The following TNRC6C variants were observed in gnomAD, a reference collection of about 807,000 sequenced individuals.
The protein encoded by TNRC6C is trinucleotide repeat-containing gene 6C protein.
In TNRC6C, 20 loss-of-function variants were observed where a neutral mutation model predicts 153.7. The observed-to-expected ratio is 0.13, with a 90% CI of 0.09 to 0.19. TNRC6C has a LOEUF of 0.19. Ranked by LOEUF, TNRC6C falls within the 10% of genes least tolerant of loss-of-function variation. The pLI, the probability that TNRC6C is intolerant of heterozygous loss-of-function variation, is 1.00. For synonymous variants in TNRC6C, 811 were observed against 841.4 expected, an observed-to-expected ratio of 0.96 and a Z score of 0.63; for missense variants, 1,987 against 2,172.0, an observed-to-expected ratio of 0.91 and a Z score of 1.69.
chr17:78,031,509 AT>A lies in TNRC6C; in HGVS notation c.-545-3del. The A allele has an allele frequency of 8.1e-7, 1 of 1,232,090 alleles. No homozygotes were observed. Among genetic ancestry groups the A allele is most frequent in the Non-Finnish European group, 1.0e-6 (1 of 987,970 alleles). 76.3% of individuals were successfully genotyped at this position (1,232,090 alleles called of 1,614,324 possible). A position where few individuals can be genotyped will look rare whatever the true frequency, so the allele number is the denominator to read the frequency against. ...TTTTGGGTTCTTTTGCCTTTCATTC[AT>A]TTTAGTGCCAGAACCTACTAAGACC... On this transcript the variant is annotated splice_polypyrimidine_tract_variant and splice_region_variant and intron_variant, in intron 1 of 19. Transcript: ENST00000301624.
At chr17:77,974,493 A>C (rs528675300) in intron 1 of TNRC6C, among the ~76,000 whole-genome samples, 4 of 147,278 alleles carry the variant, frequency 2.7e-5, no homozygotes, top group African/African-American at 9.8e-5. Flanking sequence ...CCCCGCCCCA[A>C]AAAAAAAGTA....
chr17:78,014,641 A>G (rs2071695156), intron 1 of TNRC6C, among the ~76,000 whole-genome samples: 1 of 149,424 alleles, frequency 6.7e-6, no homozygotes, highest in African/African-American at 2.5e-5. Context: ...TATGTGATGT[A>G]TTGAGAGTGG....
chr17:78,079,402 G>C lies in TNRC6C; in HGVS notation c.3218G>C (p.Ser1073Thr). The C allele has an allele frequency of 6.2e-7, 1 of 1,613,900 alleles. No homozygotes were observed. Among genetic ancestry groups the C allele is most frequent in the Non-Finnish European group, 8.5e-7 (1 of 1,179,848 alleles). ...AATTCTGTCCCTGTGCAGATACCGA[G>C]TGGCAATCTGGGTATGTTTGGCAAT... Residue 1073 changes from serine (S) to threonine (T), a missense_variant, in exon 10 of 20, where the codon AGT (serine) becomes ACT (threonine). Ser to Thr is a moderately conservative substitution (Grantham distance 58, BLOSUM62 1). Around this residue, in one of 4 missense-constraint regions of TNRC6C, gnomAD observed 765 missense variants for 908.6 expected, o/e 0.84. Transcript: ENST00000301624. This position sits in a 1 kb window ranked among gnomAD's most constrained non-coding sequence, Gnocchi z 4.3.
At chr17:77,980,479 C>T (rs926288799) in intron 1 of TNRC6C, among the ~76,000 whole-genome samples, 3 of 152,150 alleles carry the variant, frequency 2.0e-5, no homozygotes, top group East Asian at 1.9e-4. Context: ...CCAGCTGGGT[C>T]GGTCTCAACA....
chr17:78,055,300 G>A (rs749078785), intron 3 of TNRC6C, among the ~76,000 whole-genome samples: 1 of 152,146 alleles, frequency 6.6e-6, no homozygotes, highest in Non-Finnish European at 1.5e-5. Flanking sequence ...GGGATCTTCA[G>A]TATCACTGTT....
intron 1 of TNRC6C, among the ~76,000 whole-genome samples, chr17:77,959,691 G>T (rs1428324152): frequency 6.6e-6 from 1 of 152,164 alleles, no homozygotes; most frequent in Admixed American, 6.5e-5. Context: ...AAAACCCGGG[G>T]CGTGCTGCGG....
chr17:78,017,980 C>T (rs2143497980), intron 1 of TNRC6C, among the ~76,000 whole-genome samples: 1 of 152,324 alleles, frequency 6.6e-6, no homozygotes, highest in South Asian at 2.1e-4. Flanking sequence ...TCTTGTCCCA[C>T]TGTTCCTTTT....
intron 1 of TNRC6C, among the ~76,000 whole-genome samples, chr17:78,031,007 G>A (rs1485335981): frequency 1.3e-5 from 2 of 152,142 alleles, no homozygotes; most frequent in African/African-American, 4.8e-5. Context: ...GCTGAGGCAG[G>A]AAGATCACTT....
At chr17:77,999,383 T>C (rs150101068), upstream of TNRC6C, among the ~76,000 whole-genome samples, 4 of 152,338 alleles carry the variant, frequency 2.6e-5, no homozygotes, top group East Asian at 1.9e-4. Flanking sequence ...CCCACACAGA[T>C]TGCCTTCCCT....
At chr17:78,004,101 C>CTT, upstream of TNRC6C, 1 of 1,229,990 alleles carries the variant, frequency 8.1e-7, no homozygotes, top group Non-Finnish European at 1.0e-6. Flanking sequence ...TTTGGAGCAG[C>CTT]TAGTGCTTTT....
intron 13 of TNRC6C, 27 bp from the exon 16 acceptor site, chr17:78,091,413 G>A (rs751690806): frequency 5.8e-6 from 9 of 1,552,310 alleles, no homozygotes; most frequent in East Asian, 2.5e-5. Flanking sequence ...AGGAGCAGGC[G>A]AATCCTAACC....
intron 1 of TNRC6C, among the ~76,000 whole-genome samples, chr17:77,959,594 C>T (rs184746827): frequency 2.0e-5 from 3 of 152,278 alleles, no homozygotes; most frequent in African/African-American, 4.8e-5. Flanking sequence ...TCCGGGCAGC[C>T]CCCCGCAGAT....
chr17:78,030,089 T>C (rs754621586), intron 1 of TNRC6C, among the ~76,000 whole-genome samples: 6 of 152,208 alleles, frequency 3.9e-5, no homozygotes, highest in Non-Finnish European at 8.8e-5. Context: ...GTAATATAGT[T>C]ATTATGAACC....
intron 1 of TNRC6C, among the ~76,000 whole-genome samples, chr17:78,013,768 A>G (rs550711533): frequency 6.6e-6 from 1 of 152,288 alleles, no homozygotes; most frequent in African/African-American, 2.4e-5. Flanking sequence ...CTACATAGAG[A>G]GGGAACAGCA....
At chr17:78,081,611 CG>C (rs1364870809) in intron 10 of TNRC6C, among the ~76,000 whole-genome samples, 39 of 152,124 alleles carry the variant, frequency 2.6e-4, no homozygotes, top group Admixed American at 2.6e-3. Flanking sequence ...GTGCAGGGAT[CG>C]GGGGTGACTC....
At chr17:78,098,671 A>G (rs1381456758) in intron 17 of TNRC6C, 134 bp downstream of exon 20, 1 of 951,810 alleles carries the variant, frequency 1.1e-6, no homozygotes, top group African/African-American at 1.7e-5. Context: ...GGAGGGCACC[A>G]GGGCCACCCT....
chr17:78,003,489 T>TA, upstream of TNRC6C, among the ~76,000 whole-genome samples: 1 of 152,104 alleles, frequency 6.6e-6, no homozygotes, highest in African/African-American at 2.4e-5. Flanking sequence ...AACATCACAA[T>TA]AAAAAACTCA....
chr17:78,091,907 C>T (rs1047883283), intron 14 of TNRC6C, among the ~76,000 whole-genome samples: 1 of 152,088 alleles, frequency 6.6e-6, no homozygotes, highest in Admixed American at 6.6e-5. Flanking sequence ...TCAACAAAAA[C>T]TTGAGTCTGC....
At chr17:78,059,957 T>A (rs574953169) in intron 3 of TNRC6C, among the ~76,000 whole-genome samples, 1 of 152,142 alleles carries the variant, frequency 6.6e-6, no homozygotes, top group African/African-American at 2.4e-5. Flanking sequence ...ATCAAAACTG[T>A]ATAAGATGGT....
Sources: allele counts gnomAD v4.1 joint callset (sites outside exome capture counted in the v4.1 genomes callset), GRCh38; gene constraint gnomAD v4.1.1; regional missense constraint gnomAD v4.1.1; non-coding constraint Gnocchi (gnomAD v3.1); transcripts MANE v1.5; gene names NCBI Gene and HGNC (gene_info 2026-07-23, HGNC 2026-07-21).